Variants in LRRC59 observed in about 807,000 individuals in gnomAD.
LRRC59 encodes leucine-rich repeat-containing protein 59.
Under a neutral mutation model 33.5 loss-of-function variants are expected in LRRC59, and 18 were observed. The ratio of observed to expected loss-of-function variants is 0.54; its 90% confidence interval spans 0.37 to 0.80. The LOEUF is 0.80. Ranked by LOEUF, LRRC59 falls within the 30% of genes least tolerant of loss-of-function variation. The pLI, the probability that LRRC59 is intolerant of heterozygous loss-of-function variation, is 0.00. For missense variants in LRRC59, 330 were observed against 391.9 expected, an observed-to-expected ratio of 0.84 and a Z score of 1.33; for synonymous variants, 138 against 160.0, an observed-to-expected ratio of 0.86 and a Z score of 1.04.
intron 2 of LRRC59, 53 bp downstream of exon 2, chr17:50,394,876 A>T: frequency 3.5e-6 from 3 of 850,004 alleles, no homozygotes; most frequent in Non-Finnish European, 5.6e-6. Flanking sequence ...CCGAAACAGG[A>T]AGGAGATGCA....
chr17:50,386,317 C>G (rs1914002195), intron 5 of LRRC59: 1 of 152,208 alleles, frequency 6.6e-6, no homozygotes, highest in Non-Finnish European at 1.5e-5. Context: ...GGAACACATT[C>G]AGATTTACTC....
Position 50,385,144 on chromosome 17 carries a change from G to T in LRRC59, c.650C>A (p.Pro217His). 1 of 1,614,034 alleles carries T rather than the reference G, an allele frequency of 6.2e-7. No homozygotes were observed. The highest frequency in any genetic ancestry group is 8.5e-7 in the Non-Finnish European group (1 of 1,180,020). ...CGGGGCCTGATTTGCTTCCTTCTTA[G>T]GTTTCTTCTCCTGCTCCCGCTTGGC... is the stretch of plus-strand genomic sequence containing the variant. ...KAAKREQEKKPKKEANQAPKS... is the reference protein window; with the variant it reads ...KAAKREQEKKHKKEANQAPKS... The change falls in exon 6 of 7, where the codon CCT (proline) becomes CAT (histidine). Residue 217 changes from proline to histidine, a missense_variant. Physicochemically the swap from Pro to His is moderately conservative, Grantham distance 77. Coordinates refer to ENST00000225972, the MANE Select transcript of LRRC59 (RefSeq NM_018509.4).
At chr17:50,383,779 A>C (rs1048350839) in intron 6 of LRRC59, among the ~76,000 whole-genome samples, 3 of 151,900 alleles carry the variant, frequency 2.0e-5, no homozygotes, top group Non-Finnish European at 4.4e-5. Context: ...TGCAATGAAC[A>C]TATGTTACAT....
intron 1 of LRRC59, 120 bp downstream of exon 1, chr17:50,397,093 C>T (rs768828379): frequency 1.3e-6 from 1 of 762,598 alleles, no homozygotes; most frequent in Non-Finnish European, 2.0e-6. Flanking sequence ...AGTCCCACCA[C>T]CCCGCTTCTT....
rs142050117 is a variant in LRRC59 at position 50,392,774 on chromosome 17, G to A, written c.289C>T (p.Leu97=). The A allele has an allele frequency of 7.6e-5, 123 of 1,614,214 alleles. No individual in the cohort carries two copies. The African/African-American group carries it at 1.5e-3, about 19-fold the overall frequency. Residue 97 remains leucine, a synonymous_variant, in exon 3 of 7, where the codon CTG becomes TTG. Transcript: ENST00000225972. ...GCAAAGCTGACAGGCAAGGTGACCA[G>A]CTTGTTGTTGAGGAGATCCAGGTGC... ...LQHLDLLNNK[L]VTLPVSFAQL...
At chr17:50,393,044 G>A (rs903323525) in intron 2 of LRRC59, 147 bp from the exon 3 acceptor site, 1 of 734,772 alleles carries the variant, frequency 1.4e-6, no homozygotes, top group South Asian at 1.9e-5. Flanking sequence ...TATTTCATGT[G>A]TAGCCCAAGA....
chr17:50,386,637 A>G (rs532686619), intron 5 of LRRC59, among the ~76,000 whole-genome samples: 1 of 152,304 alleles, frequency 6.6e-6, no homozygotes, highest in East Asian at 1.9e-4. Flanking sequence ...TGGGCCACTG[A>G]GAGGTGAAGG....
At chr17:50,391,952 A>G (rs1384599472) in intron 4 of LRRC59, among the ~76,000 whole-genome samples, 1 of 152,186 alleles carries the variant, frequency 6.6e-6, no homozygotes, top group African/African-American at 2.4e-5. Flanking sequence ...TAATCCCAGC[A>G]CTTTGGAAGG....
rs1037681335 is a variant in LRRC59 at position 50,381,825 on chromosome 17, C to G, written c.*1163G>C. ...ATGGACAGTGTGATCCTTGTTTGTG[C>G]TAGCCATTGGGTGATGCACCACTTT... On this transcript the variant is annotated 3_prime_UTR_variant, in exon 7 of 7. Transcript: ENST00000225972. 6.5e-6 allele frequency: 1 copy of G among 152,682 alleles called. No individual in the cohort carries two copies. The highest frequency in any genetic ancestry group is 2.4e-5 in the African/African-American group (1 of 41,450). 9.5% of individuals were successfully genotyped at this position (152,682 alleles called of 1,614,324 possible).
Position 50,385,145 on chromosome 17 carries a change from G to A in LRRC59, c.649C>T (p.Pro217Ser). 1 of 1,614,026 alleles carries A rather than the reference G, an allele frequency of 6.2e-7. No individual in the cohort carries two copies. Among genetic ancestry groups the A allele is most frequent in the Non-Finnish European group, 8.5e-7 (1 of 1,180,016 alleles). Residue 217 changes from proline to serine, a missense_variant, in exon 6 of 7, where the codon CCT becomes TCT. Physicochemically the swap from Pro to Ser is moderately conservative, Grantham distance 74. Transcript: ENST00000225972. ...KAAKREQEKK[P>S]KKEANQAPKS... ...GGGGCCTGATTTGCTTCCTTCTTAG[G>A]TTTCTTCTCCTGCTCCCGCTTGGCT...
At position 50,397,431 on chromosome 17, in the gene LRRC59, G is replaced by A. The variant is rs1914307456; in HGVS notation, c.-114C>T. On this transcript the variant is annotated 5_prime_UTR_variant, in exon 1 of 7. It adds an upstream start codon to the 5' untranslated region. Coordinates refer to ENST00000225972, the MANE Select transcript of LRRC59 (RefSeq NM_018509.4). ...CCAAACGACGACGCCTGAGCCCTCC[G>A]TCGCCGCCGATGCGAGACCGCCTCC... is the stretch of plus-strand genomic sequence containing the variant. The A allele has an allele frequency of 2.8e-6, 2 of 707,794 alleles. No homozygotes were observed. The highest frequency in any genetic ancestry group is 2.2e-5 in the South Asian group (1 of 45,404). The allele number at this position is 707,794 out of a possible 1,614,324, so 43.8% of individuals were successfully genotyped here. A position where few individuals can be genotyped will look rare whatever the true frequency, so the allele number is the denominator to read the frequency against.
chr17:50,395,469 T>TTAGG (rs1474138757), intron 1 of LRRC59, among the ~76,000 whole-genome samples: 4 of 152,128 alleles, frequency 2.6e-5, no homozygotes, highest in Non-Finnish European at 5.9e-5. Flanking sequence ...GTCCCTCTTA[T>TTAGG]TAGGTTTCAG....
chr17:50,381,973 C>A lies in LRRC59; in HGVS notation c.*1015G>T, dbSNP rs531080720. The A allele has an allele frequency of 2.6e-5, 4 of 152,768 alleles. No individual in the cohort carries two copies. The highest frequency in any genetic ancestry group is 7.2e-5 in the African/African-American group (3 of 41,576). 9.5% of individuals were successfully genotyped at this position (152,768 alleles called of 1,614,324 possible). ...TATGAAGCTGACACTTCAAAACCTG[C>A]AGAAGCAGGTTGCCTTTGAGGTATT... On this transcript the variant is annotated 3_prime_UTR_variant, in exon 7 of 7. Transcript: ENST00000225972.
chr17:50,394,849 C>T (rs148245371), intron 2 of LRRC59, 80 bp downstream of exon 2: 9 of 1,071,998 alleles, frequency 8.4e-6, no homozygotes, highest in Middle Eastern at 2.2e-4. Context: ...GACACCCTCC[C>T]ACCCCCCTCT....
In LRRC59 at chr17:50,382,263, C is replaced by T. The variant is rs1913875757; in HGVS notation, c.*725G>A. ...TGCTTCACCTGAGGAATAATCGATT[C>T]TGGTGTGAGTTCTGGTCTCTCAGGA... On this transcript the variant is annotated 3_prime_UTR_variant, in exon 7 of 7. Transcript: ENST00000225972. The T allele has an allele frequency of 6.6e-6, 1 of 152,164 alleles. No homozygotes were observed. Among genetic ancestry groups the T allele is most frequent in the African/African-American group, 2.4e-5 (1 of 41,416 alleles). The allele number at this position is 152,164 out of a possible 1,614,324, so 9.4% of individuals were successfully genotyped here.
In LRRC59 at chr17:50,382,764, T is replaced by G; in HGVS notation, c.*224A>C. On this transcript the variant is annotated 3_prime_UTR_variant, in exon 7 of 7. Coordinates refer to ENST00000225972, the MANE Select transcript of LRRC59 (RefSeq NM_018509.4). Reference sequence around the variant, plus strand: ...CTACTCCTTTAGGCATGCAGGTAACTGCCCCCCACGCCCCCCCGCCACCTC... The same window carrying G: ...CTACTCCTTTAGGCATGCAGGTAACGGCCCCCCACGCCCCCCCGCCACCTC... 1 of 567,212 alleles carries G rather than the reference T, an allele frequency of 1.8e-6. No individual in the cohort carries two copies. The highest frequency in any genetic ancestry group is 3.1e-6 in the Non-Finnish European group (1 of 326,332). The allele number at this position is 567,212 out of a possible 1,614,324, so 35.1% of individuals were successfully genotyped here.
rs1417509162 is a variant in LRRC59, at chr17:50,388,228, T to C, written c.430-96A>G. ...CTATTTTCAGGCTTCCAGATTATCA[T>C]GGTAGCAATGTAGAACTAATAAGAG... On this transcript the variant is annotated intron_variant, in intron 4 of 6. Transcript: ENST00000225972. 9.7e-6 allele frequency: 11 copies of C among 1,131,568 alleles called. No individual in the cohort carries two copies. The Admixed American group carries it at 1.6e-4, about 16-fold the overall frequency. The allele number at this position is 1,131,568 out of a possible 1,614,324, so 70.1% of individuals were successfully genotyped here.
intron 1 of LRRC59, among the ~76,000 whole-genome samples, chr17:50,395,263 T>C (rs1425279224): frequency 6.7e-6 from 1 of 150,046 alleles, no homozygotes; most frequent in Non-Finnish European, 1.5e-5. Context: ...TCTCATAGTC[T>C]CAGCTACTCA....
At chr17:50,395,934 A>G (rs947496405) in intron 1 of LRRC59, 7 of 151,342 alleles carry the variant, frequency 4.6e-5, no homozygotes, top group African/African-American at 1.7e-4. Flanking sequence ...GCCCATCTCT[A>G]TTTTCCCATG....
Sources: gnomAD v4.1 joint callset for allele counts (sites outside exome capture counted in the v4.1 genomes callset) on GRCh38, gnomAD v4.1.1 for gene constraint, MANE v1.5 for transcripts, NCBI Gene and HGNC (gene_info 2026-07-23, HGNC 2026-07-21) for gene names.